Variants in PPP1R21 observed in about 807,000 individuals in gnomAD.
PPP1R21 encodes the protein protein phosphatase 1 regulatory subunit 21.
In PPP1R21, 85 loss-of-function variants were observed where a neutral mutation model predicts 112.8. That is an observed-to-expected ratio of 0.75 (90% CI 0.63 to 0.90). The LOEUF (loss-of-function observed/expected upper bound fraction) is 0.90, where lower values mean the gene tolerates loss of function less well. PPP1R21 is among the 40% of genes least tolerant of loss of function. PPP1R21 has a pLI of 0.00. For missense variants in PPP1R21, 1,199 were observed against 901.5 expected (o/e 1.33, Z -4.23); for synonymous variants, 381 against 322.3 (o/e 1.18, Z -1.95).
intron 12 of PPP1R21, among the ~76,000 whole-genome samples, chr2:48,477,083 C>A (rs911838856): frequency 1.4e-5 from 2 of 143,614 alleles, no homozygotes; most frequent in African/African-American, 5.1e-5. Context: ...TTAACTCTTA[C>A]TTACACTTAG....
chr2:48,475,913 T>C (rs1046032777), intron 12 of PPP1R21, among the ~76,000 whole-genome samples: 13 of 152,162 alleles, frequency 8.5e-5, no homozygotes, highest in Admixed American at 3.9e-4. Context: ...AAGAATGCCA[T>C]AATTTTTCTG....
At position 48,479,965 on chromosome 2, in the gene PPP1R21, G is replaced by A. The variant is rs753482095; in HGVS notation, c.1267G>A (p.Val423Met). Reference protein sequence around the residue: ...DGLLRTNYSSVLTNVGAALHG... With the variant: ...DGLLRTNYSSMLTNVGAALHG... ...ACTCCTTCGGACAAACTACAGTTCT[G>A]TGTTAACAAATGTTGGTGCTGCTCT... The change falls in exon 13 of 22, where the codon GTG (valine) becomes ATG (methionine). Residue 423 changes from valine (V) to methionine (M), a missense_variant. Coordinates refer to ENST00000294952, the MANE Select transcript of PPP1R21 (RefSeq NM_001135629.3). The A allele has an allele frequency of 2.9e-5, 46 of 1,613,486 alleles. No homozygotes were observed. In the South Asian group the frequency reaches 4.3e-4, roughly 15 times the overall value.
intron 3 of PPP1R21, among the ~76,000 whole-genome samples, chr2:48,455,370 A>G (rs1667674790): frequency 6.6e-6 from 1 of 150,726 alleles, no homozygotes; most frequent in Non-Finnish European, 1.5e-5. Context: ...CTCGAACTCC[A>G]GACTTCAGGT....
chr2:48,491,512 T>A, intron 15 of PPP1R21, among the ~76,000 whole-genome samples: 1 of 148,906 alleles, frequency 6.7e-6, no homozygotes, highest in East Asian at 1.9e-4. Flanking sequence ...GTATGACTTT[T>A]TTCTGAATAA....
chr2:48,458,560 C>CT (rs1266195297), intron 4 of PPP1R21, among the ~76,000 whole-genome samples: 13 of 146,142 alleles, frequency 8.9e-5, no homozygotes, highest in Admixed American at 8.8e-4. Context: ...ATGGTATTTG[C>CT]TTTTTTCCCT....
chr2:48,471,566 T>C, intron 11 of PPP1R21, 199 bp downstream of exon 11: 1 of 534,358 alleles, frequency 1.9e-6, no homozygotes, highest in Non-Finnish European at 3.2e-6. Flanking sequence ...TTATAGTCTG[T>C]CAGTTACAGA....
chr2:48,493,011 C>CTTTTTTTTTTTTTTTTTTT (rs746795481), intron 15 of PPP1R21, among the ~76,000 whole-genome samples: 1 of 96,662 alleles, frequency 1.0e-5, no homozygotes, highest in Non-Finnish European at 2.0e-5. Flanking sequence ...GGTCATTTAC[C>CTTTTTTTTTTTTTTTTTTT]TTTTTTTTTT....
chr2:48,496,809 T>C (rs1420358642), intron 16 of PPP1R21, among the ~76,000 whole-genome samples: 2 of 152,184 alleles, frequency 1.3e-5, no homozygotes, highest in Non-Finnish European at 2.9e-5. Flanking sequence ...TTCATGGTTG[T>C]CAATCATGCC....
intron 13 of PPP1R21, 65 bp from the exon 14 acceptor site, chr2:48,486,566 G>A: frequency 1.6e-6 from 2 of 1,230,696 alleles, no homozygotes; most frequent in South Asian, 1.3e-5. Flanking sequence ...GAAGTGAATG[G>A]GCTGGTTATC....
chr2:48,477,197 CT>C (rs1196515513), intron 12 of PPP1R21, among the ~76,000 whole-genome samples: 1 of 149,342 alleles, frequency 6.7e-6, no homozygotes. Context: ...TCTCAGCTCG[CT>C]GCAAACTGCC....
At chr2:48,467,492 A>C (rs1306417276) in intron 9 of PPP1R21, among the ~76,000 whole-genome samples, 1 of 152,176 alleles carries the variant, frequency 6.6e-6, no homozygotes, top group Non-Finnish European at 1.5e-5. Context: ...ATCTCTCATA[A>C]GGTTTCAGTC....
chr2:48,472,050 G>C (rs1246588710), intron 11 of PPP1R21, among the ~76,000 whole-genome samples: 1 of 151,590 alleles, frequency 6.6e-6, no homozygotes, highest in East Asian at 1.9e-4. Flanking sequence ...GACCAGCCTG[G>C]CCAACTTGGT....
chr2:48,442,498 T>C (rs1246144017), intron 1 of PPP1R21, among the ~76,000 whole-genome samples: 1 of 152,202 alleles, frequency 6.6e-6, no homozygotes, highest in Non-Finnish European at 1.5e-5. Context: ...TGTAAGCTTG[T>C]TTAGCAGACA....
Position 48,460,147 on chromosome 2 carries a change from A to G in PPP1R21, c.593A>G (p.Glu198Gly), listed in dbSNP as rs1478741246. Residue 198 changes from glutamate (E) to glycine (G), a missense_variant, in exon 6 of 22, where the codon GAA becomes GGA. Glu to Gly is a moderately conservative substitution (Grantham distance 98). Transcript: ENST00000294952. ...GCCAAGGAATGTCGACTTCGAACGG[A>G]AGAATGGTATGTGGAAACTTGAATT... ...KEAKECRLRT[E>G]ECQLQLKTLH... 6.2e-7 allele frequency: 1 copy of G among 1,614,132 alleles called. No individual in the cohort carries two copies. The highest frequency in any genetic ancestry group is 1.3e-5 in the African/African-American group (1 of 75,036).
At chr2:48,478,292 G>C (rs1033998110) in intron 12 of PPP1R21, among the ~76,000 whole-genome samples, 1 of 152,204 alleles carries the variant, frequency 6.6e-6, no homozygotes, top group African/African-American at 2.4e-5. Context: ...AATACAGGGA[G>C]TATTGCCATC....
intron 14 of PPP1R21, 112 bp from the exon 15 acceptor site, chr2:48,490,906 A>G (rs1273143253): frequency 2.0e-5 from 18 of 893,598 alleles, no homozygotes; most frequent in Admixed American, 9.6e-5. Flanking sequence ...TTGAAATTTC[A>G]TTTCCATTTC....
At position 48,440,850 on chromosome 2, in the gene PPP1R21, A is replaced by G. The variant is rs903578326; in HGVS notation, c.-104A>G. ...GCGGCGGCGGCTGCGGTGGCCAAGC[A>G]GGCAGATACTGCCTGACCCGTTCCC... On this transcript the variant is annotated 5_prime_UTR_variant, in exon 1 of 22. Transcript: ENST00000294952. 16 of 762,162 alleles carry G rather than the reference A, an allele frequency of 2.1e-5. No individual in the cohort carries two copies. In the Admixed American group the frequency reaches 2.6e-4, roughly 12 times the overall value. 47.2% of individuals were successfully genotyped at this position (762,162 alleles called of 1,614,324 possible). A position where few individuals can be genotyped will look rare whatever the true frequency, so the allele number is the denominator to read the frequency against.
intron 18 of PPP1R21, 118 bp from the exon 19 acceptor site, chr2:48,507,151 A>G: frequency 7.4e-7 from 1 of 1,349,464 alleles, no homozygotes; most frequent in Non-Finnish European, 9.6e-7. Context: ...GAAAACAGTG[A>G]TTCCCCATCA....
rs150036268 is a variant in PPP1R21 at position 48,510,678 on chromosome 2, A to C, written c.2184+565A>C. The stretch of plus-strand genomic sequence containing the variant: ...TAGATTTTAGGCAGCAGAAGAGAGC[A>C]TGAGAAATGGGAAGAGAGATGAAGG... On this transcript the variant is annotated intron_variant, in intron 20 of 21. Coordinates refer to ENST00000294952, the MANE Select transcript of PPP1R21 (RefSeq NM_001135629.3). 3.5e-3 allele frequency among the ~76,000 whole-genome samples: 538 copies of C among 152,352 alleles called. 1 individual carries two copies. Among genetic ancestry groups the C allele is most frequent in the African/African-American group, 0.012 (497 of 41,588 alleles).
Sources: gnomAD v4.1 joint callset for allele counts (sites outside exome capture counted in the v4.1 genomes callset) on GRCh38, gnomAD v4.1.1 for gene constraint, MANE v1.5 for transcripts, NCBI Gene and HGNC (gene_info 2026-07-23, HGNC 2026-07-21) for gene names.